CLSTN2: variants seen among roughly 807,000 people sequenced by gnomAD.
CLSTN2 encodes calsyntenin-2.
Under a neutral mutation model 101.2 loss-of-function variants are expected in CLSTN2, and 48 were observed. The observed-to-expected ratio is 0.47, with a 90% CI of 0.38 to 0.60. The LOEUF (loss-of-function observed/expected upper bound fraction) is 0.60, where lower values mean the gene tolerates loss of function less well. Ranked by LOEUF, CLSTN2 falls within the 20% of genes least tolerant of loss-of-function variation. The pLI is 0.00. For missense variants in CLSTN2, 1,160 were observed against 1,238.2 expected (o/e 0.94, Z 0.95); for synonymous variants, 481 against 463.6 (o/e 1.04, Z -0.48).
chr3:140,506,556 G>A (rs1934687493), intron 8 of CLSTN2: 1 of 152,162 alleles, frequency 6.6e-6, no homozygotes, highest in African/African-American at 2.4e-5. Flanking sequence ...TAAGAGCCTG[G>A]GAGGACAGGT....
chr3:139,988,170 T>C (rs532765465), intron 1 of CLSTN2, among the ~76,000 whole-genome samples: 72 of 152,354 alleles, frequency 4.7e-4, no homozygotes, highest in African/African-American at 1.7e-3. Context: ...TATAGCCTTG[T>C]GTTTCCCCTT....
chr3:140,508,843 G>A (rs1481796055), intron 8 of CLSTN2: 1 of 152,172 alleles, frequency 6.6e-6, no homozygotes, highest in Non-Finnish European at 1.5e-5. Flanking sequence ...GGCATGTCCT[G>A]CAAGCAAAAA....
intron 8 of CLSTN2, among the ~76,000 whole-genome samples, chr3:140,473,932 T>G (rs544389362): frequency 9.2e-5 from 14 of 151,998 alleles, no homozygotes; most frequent in South Asian, 2.1e-4. Flanking sequence ...TAATTTTTTG[T>G]TTTTTGTTTG....
At chr3:140,323,241 G>A (rs2087301449) in intron 2 of CLSTN2, among the ~76,000 whole-genome samples, 1 of 152,200 alleles carries the variant, frequency 6.6e-6, no homozygotes. Flanking sequence ...GGGCTTTACG[G>A]AGGGCGTTCT....
intron 2 of CLSTN2, among the ~76,000 whole-genome samples, chr3:140,195,623 A>C (rs2010633001): frequency 6.6e-6 from 1 of 152,252 alleles, no homozygotes; most frequent in South Asian, 2.1e-4. Context: ...AGAAGAAGCC[A>C]GAATCCAGAG....
rs557278153 is a variant in CLSTN2 at position 140,141,885 on chromosome 3, C to G, written c.110-34066C>G. Among the ~76,000 whole-genome samples, 7 of 152,356 alleles carry G rather than the reference C, an allele frequency of 4.6e-5. 1 individual carries two copies. In the South Asian group the frequency reaches 1.4e-3, roughly 32 times the overall value. ...TTGCTTCACTCCCTGGAGGGAGTTT[C>G]ATTGTTTCAGAAGCTGCGCTTACCC... On this transcript the variant is annotated intron_variant, in intron 1 of 16. Coordinates refer to ENST00000458420, the MANE Select transcript of CLSTN2 (RefSeq NM_022131.3).
intron 2 of CLSTN2, among the ~76,000 whole-genome samples, chr3:140,252,734 A>G (rs1416652979): frequency 6.6e-6 from 1 of 152,242 alleles, no homozygotes; most frequent in Non-Finnish European, 1.5e-5. Context: ...CTGTAAGGGC[A>G]GGTGCCTAAG....
intron 2 of CLSTN2, among the ~76,000 whole-genome samples, chr3:140,297,851 G>A (rs1327968459): frequency 1.3e-5 from 2 of 152,168 alleles, no homozygotes. Context: ...CCTAATACAG[G>A]TGGTTCTCAG....
chr3:140,430,603 T>C (rs1208933398), intron 5 of CLSTN2, among the ~76,000 whole-genome samples: 1 of 152,204 alleles, frequency 6.6e-6, no homozygotes, highest in African/African-American at 2.4e-5. Context: ...ACTATTTGGT[T>C]CTTTACAGAA....
chr3:140,302,736 G>T (rs907794775), intron 2 of CLSTN2, among the ~76,000 whole-genome samples: 1 of 152,194 alleles, frequency 6.6e-6, no homozygotes, highest in African/African-American at 2.4e-5. Context: ...CTGTCCAGCT[G>T]CAGGAGTGAG....
chr3:140,441,845 G>T (rs1002127165), intron 5 of CLSTN2, among the ~76,000 whole-genome samples: 1 of 152,150 alleles, frequency 6.6e-6, no homozygotes, highest in Non-Finnish European at 1.5e-5. Context: ...GCTCCAAAGT[G>T]CCTCACACTA....
Position 140,481,981 on chromosome 3 carries a change from C to G in CLSTN2, c.1344+15250C>G, listed in dbSNP as rs1211060343. On this transcript the variant is annotated intron_variant, in intron 8 of 16. Transcript: ENST00000458420. ...ATTGCCCTGGCCAGAACTTCCAACA[C>G]TATGTTGAATAGGAGTGGTGAGAGA... 3.9e-5 allele frequency among the ~76,000 whole-genome samples: 6 copies of G among 152,282 alleles called. No individual in the cohort carries two copies. In the East Asian group the frequency reaches 1.2e-3, roughly 29 times the overall value.
At chr3:140,190,766 T>C (rs1445025568) in intron 2 of CLSTN2, among the ~76,000 whole-genome samples, 1 of 152,210 alleles carries the variant, frequency 6.6e-6, no homozygotes, top group Non-Finnish European at 1.5e-5. Flanking sequence ...TATGGTGCTA[T>C]GTTTTATGTT....
chr3:140,326,291 A>C (rs2087331667), intron 2 of CLSTN2, among the ~76,000 whole-genome samples: 1 of 152,220 alleles, frequency 6.6e-6, no homozygotes, highest in Non-Finnish European at 1.5e-5. Flanking sequence ...GCTGACTACC[A>C]ATAGGGAAGA....
At chr3:139,938,547 A>G in intron 1 of CLSTN2, among the ~76,000 whole-genome samples, 1 of 152,242 alleles carries the variant, frequency 6.6e-6, no homozygotes, top group East Asian at 1.9e-4. Flanking sequence ...GGCTATTCAA[A>G]AAAGATAAAT....
intron 2 of CLSTN2, among the ~76,000 whole-genome samples, chr3:140,212,798 C>T (rs1325881920): frequency 6.6e-6 from 1 of 152,184 alleles, no homozygotes; most frequent in African/African-American, 2.4e-5. Flanking sequence ...AATCCCCCAC[C>T]ATAAGACCCA....
chr3:140,364,811 A>T (rs546359539), intron 2 of CLSTN2, among the ~76,000 whole-genome samples: 7 of 152,288 alleles, frequency 4.6e-5, no homozygotes, highest in Non-Finnish European at 1.0e-4. Context: ...TCATTCAGGA[A>T]ATATTGATTG....
intron 1 of CLSTN2, among the ~76,000 whole-genome samples, chr3:139,974,188 G>A (rs1935771445): frequency 6.6e-6 from 1 of 152,212 alleles, no homozygotes; most frequent in South Asian, 2.1e-4. Context: ...TGATTTTGAT[G>A]TAAACATTTG....
chr3:140,362,365 A>G (rs1293084977), intron 2 of CLSTN2, among the ~76,000 whole-genome samples: 1 of 152,198 alleles, frequency 6.6e-6, no homozygotes. Context: ...CCTATAGACT[A>G]AAACACCGGA....
Sources: gnomAD v4.1 joint callset for allele counts (sites outside exome capture counted in the v4.1 genomes callset) on GRCh38, gnomAD v4.1.1 for gene constraint, MANE v1.5 for transcripts, NCBI Gene and HGNC (gene_info 2026-07-23, HGNC 2026-07-21) for gene names.